The following MEF2A variants were observed in gnomAD, a reference collection of about 807,000 sequenced individuals.
MEF2A encodes the protein myocyte enhancer factor 2A.
A neutral mutation model predicts 55.8 loss-of-function variants in MEF2A; 28 were observed. That is an observed-to-expected ratio of 0.50 (90% CI 0.37 to 0.69). The LOEUF (loss-of-function observed/expected upper bound fraction) is 0.69, where lower values mean the gene tolerates loss of function less well. Ranked by LOEUF, MEF2A falls within the 30% of genes least tolerant of loss-of-function variation. The pLI, the probability that MEF2A is intolerant of heterozygous loss-of-function variation, is 0.00. For synonymous variants in MEF2A, 239 were observed against 227.1 expected (o/e 1.05, Z -0.47); for missense variants, 528 against 626.2 (o/e 0.84, Z 1.67).
chr15:99,597,606 C>G (rs1252764992), intron 1 of MEF2A, among the ~76,000 whole-genome samples: 3 of 152,116 alleles, frequency 2.0e-5, no homozygotes, highest in African/African-American at 4.8e-5. Context: ...TGACCCACAC[C>G]TATTCGCACA....
At chr15:99,683,715 A>AT in intron 7 of MEF2A, among the ~76,000 whole-genome samples, 1 of 150,572 alleles carries the variant, frequency 6.6e-6, no homozygotes, top group South Asian at 2.1e-4. Flanking sequence ...TTTTATTAAA[A>AT]AAAAAAAAAA....
At chr15:99,577,953 T>C (rs1292005576) in intron 1 of MEF2A, among the ~76,000 whole-genome samples, 2 of 152,244 alleles carry the variant, frequency 1.3e-5, no homozygotes, top group African/African-American at 2.4e-5. Flanking sequence ...TATCAGGGGC[T>C]ACAGGATGTC....
intron 2 of MEF2A, among the ~76,000 whole-genome samples, chr15:99,602,130 GA>G (rs1973303741): frequency 6.6e-6 from 1 of 152,100 alleles, no homozygotes; most frequent in South Asian, 2.1e-4. Flanking sequence ...GAGCAGGAGT[GA>G]AAGTTTATTA....
intron 2 of MEF2A, among the ~76,000 whole-genome samples, chr15:99,608,056 G>A (rs1413023613): frequency 6.6e-6 from 1 of 152,138 alleles, no homozygotes; most frequent in Non-Finnish European, 1.5e-5. Flanking sequence ...ATATTTTATA[G>A]ACTGGTCATC....
chr15:99,675,434 A>G lies in MEF2A; in HGVS notation c.646A>G (p.Asn216Asp), dbSNP rs761164074. The change falls in exon 7 of 12, where the codon AAT (asparagine) becomes GAT (aspartate). Residue 216 changes from asparagine (N) to aspartate (D), a missense_variant. Physicochemically the swap from Asn to Asp is conservative, Grantham distance 23. Coordinates refer to ENST00000557942, the MANE Select transcript of MEF2A (RefSeq NM_001319206.4). ...GAGCACTACAGACCTCACAGTGCCA[A>G]ATGGAGCTGGAAGCAGTCCAGTGGG... ...MLSTTDLTVP[N>D]GAGSSPVGNG... The G allele has an allele frequency of 1.1e-5, 18 of 1,613,866 alleles. No individual in the cohort carries two copies. In the East Asian group the frequency reaches 1.6e-4, roughly 14 times the overall value.
At chr15:99,691,405 T>G (rs1055496126) in intron 8 of MEF2A, among the ~76,000 whole-genome samples, 4 of 151,982 alleles carry the variant, frequency 2.6e-5, no homozygotes, top group Non-Finnish European at 5.9e-5. Context: ...GTTAGAAAAT[T>G]CTACATACCA....
intron 4 of MEF2A, among the ~76,000 whole-genome samples, chr15:99,653,055 T>A (rs1387610120): frequency 6.6e-6 from 1 of 152,178 alleles, no homozygotes. Context: ...TCATCAGATA[T>A]TAATCATTAA....
At chr15:99,646,599 A>G (rs2045999379) in intron 4 of MEF2A, among the ~76,000 whole-genome samples, 1 of 152,164 alleles carries the variant, frequency 6.6e-6, no homozygotes, top group African/African-American at 2.4e-5. Context: ...GAAAGTACTG[A>G]AACCATGTGA....
intron 2 of MEF2A, among the ~76,000 whole-genome samples, chr15:99,606,491 A>C (rs1975169146): frequency 6.6e-6 from 1 of 152,206 alleles, no homozygotes; most frequent in African/African-American, 2.4e-5. Context: ...TTTAACAGAC[A>C]AAAGACATGT....
intron 1 of MEF2A, among the ~76,000 whole-genome samples, chr15:99,583,639 G>A (rs1966560395): frequency 6.6e-6 from 1 of 151,978 alleles, no homozygotes; most frequent in African/African-American, 2.4e-5. Context: ...TAGAAACTTA[G>A]CATTTGGGAA....
rs2057643478 is a variant in MEF2A, at chr15:99,703,336, T to G, written c.859-26T>G. On this transcript the variant is annotated intron_variant, in intron 8 of 11. Transcript: ENST00000557942. ...AGTACCAACAGTCTTAGTAACTCTCTTATCCCTCTTATGTGCTGAGTACAG... is the reference window on the plus strand; with the variant it reads ...AGTACCAACAGTCTTAGTAACTCTCGTATCCCTCTTATGTGCTGAGTACAG... 4 of 1,612,212 alleles carry G rather than the reference T, an allele frequency of 2.5e-6. No homozygotes were observed. In the Admixed American group the frequency reaches 6.7e-5, roughly 27 times the overall value.
chr15:99,672,195 T>C (rs952832834), intron 5 of MEF2A, among the ~76,000 whole-genome samples: 7 of 152,250 alleles, frequency 4.6e-5, no homozygotes, highest in African/African-American at 1.7e-4. Context: ...GCTTTGCAGT[T>C]TGTAAATGTC....
chr15:99,568,322 A>G (rs1462072215), intron 1 of MEF2A, among the ~76,000 whole-genome samples: 1 of 152,170 alleles, frequency 6.6e-6, no homozygotes, highest in East Asian at 1.9e-4. Flanking sequence ...GGTATGTGTG[A>G]CAAGGATTTT....
At chr15:99,607,381 A>T (rs1457634455) in intron 2 of MEF2A, among the ~76,000 whole-genome samples, 1 of 152,212 alleles carries the variant, frequency 6.6e-6, no homozygotes, top group Admixed American at 6.5e-5. Flanking sequence ...TCTCTGATAT[A>T]TACTCAAAAT....
chr15:99,701,298 A>C (rs761338177), intron 8 of MEF2A, among the ~76,000 whole-genome samples: 1 of 152,220 alleles, frequency 6.6e-6, no homozygotes, highest in Admixed American at 6.5e-5. Flanking sequence ...GCAAAAATCC[A>C]TGCCCTTCTA....
chr15:99,658,833 A>G (rs573700946), intron 4 of MEF2A, among the ~76,000 whole-genome samples: 4 of 152,268 alleles, frequency 2.6e-5, no homozygotes, highest in South Asian at 2.1e-4. Context: ...TAACACCTGT[A>G]TATCAGTGTT....
chr15:99,630,525 C>T (rs1003514380), intron 2 of MEF2A, among the ~76,000 whole-genome samples: 5 of 152,146 alleles, frequency 3.3e-5, no homozygotes, highest in Non-Finnish European at 5.9e-5. Flanking sequence ...TCTGGATCTA[C>T]TGTGAATCTG....
At chr15:99,705,717 G>T (rs1309441804) in intron 9 of MEF2A, among the ~76,000 whole-genome samples, 1 of 152,212 alleles carries the variant, frequency 6.6e-6, no homozygotes, top group Non-Finnish European at 1.5e-5. Flanking sequence ...AATTGTGATA[G>T]AGAAAATGGA....
intron 8 of MEF2A, among the ~76,000 whole-genome samples, chr15:99,696,648 T>C (rs1186136135): frequency 6.6e-6 from 1 of 151,338 alleles, no homozygotes; most frequent in Non-Finnish European, 1.5e-5. Flanking sequence ...AAAAGAGGGA[T>C]CCCAAATCAG....
Sources: gnomAD v4.1 joint callset for allele counts (sites outside exome capture counted in the v4.1 genomes callset) on GRCh38, gnomAD v4.1.1 for gene constraint, MANE v1.5 for transcripts, NCBI Gene and HGNC (gene_info 2026-07-23, HGNC 2026-07-21) for gene names.